The following PLXDC2 variants were observed in gnomAD, a reference collection of about 807,000 sequenced individuals.
PLXDC2 encodes plexin domain-containing protein 2.
A neutral mutation model predicts 68.9 loss-of-function variants in PLXDC2; 40 were observed. The observed-to-expected ratio is 0.58, with a 90% CI of 0.45 to 0.76. PLXDC2 has a LOEUF of 0.76. PLXDC2 is among the 30% of genes least tolerant of loss of function. The probability of loss-of-function intolerance (pLI) is 0.00; values close to 1 mark genes in which losing one functional copy is unlikely to be tolerated. For synonymous variants in PLXDC2, 243 were observed against 234.2 expected, an observed-to-expected ratio of 1.04 and a Z score of -0.34; for missense variants, 644 against 661.9, an observed-to-expected ratio of 0.97 and a Z score of 0.30.
chr10:20,009,941 G>A (rs1391631961), intron 2 of PLXDC2, among the ~76,000 whole-genome samples: 1 of 151,972 alleles, frequency 6.6e-6, no homozygotes, highest in East Asian at 1.9e-4. Context: ...GTGAAAAGAT[G>A]AGTTAAATTT....
intron 1 of PLXDC2, among the ~76,000 whole-genome samples, chr10:19,927,027 C>G (rs1198616318): frequency 6.6e-6 from 1 of 152,164 alleles, no homozygotes; most frequent in African/African-American, 2.4e-5. Context: ...TCTTGCTGAC[C>G]TTATCCATCT....
In PLXDC2 at chr10:20,241,557, A is replaced by G. The variant is rs1053174071; in HGVS notation, c.1313-3788A>G. ...TCCCAGCACTTTGGGAGGCTGAGGC[A>G]GGAGGAATGCTTGAGCCCAGGAGTT... On this transcript the variant is annotated intron_variant, in intron 12 of 13. Coordinates refer to ENST00000377252, the MANE Select transcript of PLXDC2 (RefSeq NM_032812.9). Among the ~76,000 whole-genome samples, 8 of 152,326 alleles carry G rather than the reference A, an allele frequency of 5.3e-5. No individual in the cohort carries two copies. The East Asian group carries it at 1.4e-3, about 26-fold the overall frequency.
intron 1 of PLXDC2, among the ~76,000 whole-genome samples, chr10:19,962,449 G>A (rs1834173013): frequency 7.6e-6 from 1 of 131,658 alleles, no homozygotes; most frequent in African/African-American, 2.8e-5. Context: ...GCAGTGCAGT[G>A]GCACGATCTC....
chr10:20,173,586 G>A lies in PLXDC2; in HGVS notation c.884-3413G>A, dbSNP rs556901584. Among the ~76,000 whole-genome samples, 49 of 152,214 alleles carry A rather than the reference G, an allele frequency of 3.2e-4. No individual in the cohort carries two copies. The South Asian group carries it at 4.1e-3, about 13-fold the overall frequency. On this transcript the variant is annotated intron_variant, in intron 7 of 13. Coordinates refer to ENST00000377252, the MANE Select transcript of PLXDC2 (RefSeq NM_032812.9). ...TTGCAACACATCGCCTTAAGCTTTC[G>A]ATCACATTTTCTCTCTGTGTGTTAA...
intron 10 of PLXDC2, among the ~76,000 whole-genome samples, chr10:20,213,309 A>G (rs1835093586): frequency 6.6e-6 from 1 of 151,970 alleles, no homozygotes; most frequent in Non-Finnish European, 1.5e-5. Context: ...CCATTTGTTA[A>G]CTAATCCTTT....
chr10:20,092,934 CAG>C (rs1185169467), intron 4 of PLXDC2, among the ~76,000 whole-genome samples: 2 of 152,208 alleles, frequency 1.3e-5, no homozygotes, highest in Admixed American at 6.5e-5. Context: ...CTAGAACTTC[CAG>C]AGAGAGTCCA....
chr10:20,210,438 G>A (rs895124689), intron 9 of PLXDC2, among the ~76,000 whole-genome samples: 32 of 152,120 alleles, frequency 2.1e-4, no homozygotes, highest in African/African-American at 7.2e-4. Flanking sequence ...ATGTGCTCTG[G>A]ATAGTAATTT....
rs1054050819 is a variant in PLXDC2, at chr10:20,287,810, G to C, written c.*7991G>C. On this transcript the variant is annotated 3_prime_UTR_variant, in exon 14 of 14. Coordinates refer to ENST00000377252, the MANE Select transcript of PLXDC2 (RefSeq NM_032812.9). ...ATTTGAAGCATTTCAACAGTGCCTG[G>C]AGAGTACATTATTTTCAGGGGAAAA... The C allele has an allele frequency of 8.6e-5, 13 of 151,932 alleles. No homozygotes were observed. Among genetic ancestry groups the C allele is most frequent in the African/African-American group, 3.1e-4 (13 of 41,296 alleles). The allele number at this position is 151,932 out of a possible 1,614,324, so 9.4% of individuals were successfully genotyped here.
At chr10:20,082,489 ACT>A (rs111602310) in intron 4 of PLXDC2, among the ~76,000 whole-genome samples, 31,329 of 151,874 alleles carry the variant, frequency 0.21, 3,891 homozygotes, top group African/African-American at 0.35. Flanking sequence ...ACATAATATC[ACT>A]CCTAATAAGT....
intron 4 of PLXDC2, among the ~76,000 whole-genome samples, chr10:20,133,750 C>A (rs927720366): frequency 4.6e-5 from 7 of 152,212 alleles, no homozygotes; most frequent in Non-Finnish European, 8.8e-5. Context: ...TTTCTCTCTC[C>A]AGATTTGGGA....
At chr10:20,209,634 T>C (rs1466689336) in intron 9 of PLXDC2, among the ~76,000 whole-genome samples, 1 of 151,858 alleles carries the variant, frequency 6.6e-6, no homozygotes, top group Admixed American at 6.6e-5. Context: ...GCAGTCAGAG[T>C]TTAAGGTTAT....
chr10:19,876,215 C>T (rs1169996382), intron 1 of PLXDC2, among the ~76,000 whole-genome samples: 4 of 152,102 alleles, frequency 2.6e-5, no homozygotes, highest in African/African-American at 9.7e-5. Context: ...GAGATCGTTT[C>T]TATTGTGGTA....
chr10:19,921,132 GC>G (rs1473823249), intron 1 of PLXDC2, among the ~76,000 whole-genome samples: 9 of 123,072 alleles, frequency 7.3e-5, no homozygotes, highest in Non-Finnish European at 1.2e-4. Context: ...TTTTTTTGTC[GC>G]CCAGGGTGGC....
Position 20,162,363 on chromosome 10 carries a change from G to A in PLXDC2, c.784-2105G>A, listed in dbSNP as rs1402382430. ...TAAGCTCAAGTACTGCTGTGGGTAT[G>A]GGAAAAGAAGACAAGCAATAAATTA... On this transcript the variant is annotated intron_variant, in intron 6 of 13. Transcript: ENST00000377252. Among the ~76,000 whole-genome samples, 3 of 152,082 alleles carry A rather than the reference G, an allele frequency of 2.0e-5. No homozygotes were observed. The East Asian group carries it at 5.8e-4, about 29-fold the overall frequency.
chr10:19,868,887 C>G (rs1456186454), intron 1 of PLXDC2, among the ~76,000 whole-genome samples: 1 of 152,084 alleles, frequency 6.6e-6, no homozygotes, highest in African/African-American at 2.4e-5. Flanking sequence ...AAACTGCAAA[C>G]CTTAAGTTAA....
At chr10:19,984,262 A>G (rs1834599385) in intron 1 of PLXDC2, among the ~76,000 whole-genome samples, 1 of 152,106 alleles carries the variant, frequency 6.6e-6, no homozygotes, top group Non-Finnish European at 1.5e-5. Flanking sequence ...TGTCCTAGTG[A>G]AAGCAAGGGG....
At chr10:20,018,514 AT>A (rs1394098123) in intron 2 of PLXDC2, among the ~76,000 whole-genome samples, 5 of 152,224 alleles carry the variant, frequency 3.3e-5, no homozygotes. Context: ...TTCCAAGATC[AT>A]GTTCATATTT....
At chr10:20,187,917 T>A (rs958680698) in intron 9 of PLXDC2, among the ~76,000 whole-genome samples, 9 of 151,934 alleles carry the variant, frequency 5.9e-5, no homozygotes, top group Non-Finnish European at 1.2e-4. Context: ...TGTAAACTAT[T>A]TTTGAAAAGT....
intron 3 of PLXDC2, among the ~76,000 whole-genome samples, chr10:20,051,440 ATATG>A (rs1449618121): frequency 2.7e-5 from 3 of 111,546 alleles, no homozygotes; most frequent in African/African-American, 1.1e-4. Flanking sequence ...ATATATATAT[ATATG>A]TGCTATTATG....
Sources: allele counts gnomAD v4.1 joint callset (sites outside exome capture counted in the v4.1 genomes callset), GRCh38; gene constraint gnomAD v4.1.1; transcripts MANE v1.5; gene names NCBI Gene and HGNC (gene_info 2026-07-23, HGNC 2026-07-21).